Variants in DIP2B observed in about 807,000 individuals in gnomAD.
The protein encoded by DIP2B is DIP2 acetate--CoA ligase B (putative).
Under a neutral mutation model 198.0 loss-of-function variants are expected in DIP2B, and 76 were observed. The observed-to-expected ratio is 0.38, with a 90% CI of 0.32 to 0.46. The LOEUF (loss-of-function observed/expected upper bound fraction) is 0.46. Ranked by LOEUF, DIP2B falls within the 20% of genes least tolerant of loss-of-function variation. The pLI is 0.99. For synonymous variants in DIP2B, 701 were observed against 739.1 expected (o/e 0.95, Z 0.84); for missense variants, 1,559 against 1,978.4 (o/e 0.79, Z 4.02).
At chr12:50,632,784 C>G (rs1201679257) in intron 2 of DIP2B, among the ~76,000 whole-genome samples, 1 of 151,956 alleles carries the variant, frequency 6.6e-6, no homozygotes, top group Non-Finnish European at 1.5e-5. Flanking sequence ...TAATCCGCCT[C>G]CCTTCTCCTC....
chr12:50,657,223 C>CAAAAAAAAAAAA (rs57903571), intron 3 of DIP2B: 1 of 107,054 alleles, frequency 9.3e-6, no homozygotes, highest in Non-Finnish European at 1.9e-5. Context: ...TCTCTATTTA[C>CAAAAAAAAAAAA]AAAAAAAAAA....
At chr12:50,694,504 A>C (rs536380742) in intron 14 of DIP2B, among the ~76,000 whole-genome samples, 27 of 143,738 alleles carry the variant, frequency 1.9e-4, no homozygotes, top group East Asian at 9.4e-4. Flanking sequence ...CAGATAAATA[A>C]ATACATACAT....
intron 7 of DIP2B, among the ~76,000 whole-genome samples, chr12:50,677,219 T>G (rs988918765): frequency 6.6e-6 from 1 of 152,188 alleles, no homozygotes; most frequent in Non-Finnish European, 1.5e-5. Flanking sequence ...TCTCACGCAC[T>G]GCTCATGTTG....
chr12:50,525,482 A>G (rs1156670979), intron 1 of DIP2B, among the ~76,000 whole-genome samples: 2 of 150,796 alleles, frequency 1.3e-5, no homozygotes, highest in Non-Finnish European at 2.9e-5. Flanking sequence ...CTTGAACTCA[A>G]CCGTGATGCA....
intron 1 of DIP2B, among the ~76,000 whole-genome samples, chr12:50,576,176 T>G (rs1958658887): frequency 6.6e-6 from 1 of 151,556 alleles, no homozygotes; most frequent in Non-Finnish European, 1.5e-5. Flanking sequence ...TTCAAGTGAT[T>G]TACCTGCCTC....
intron 15 of DIP2B, among the ~76,000 whole-genome samples, chr12:50,695,630 A>G (rs995334941): frequency 4.6e-5 from 7 of 152,176 alleles, no homozygotes; most frequent in African/African-American, 1.4e-4. Context: ...TGACCTGCCT[A>G]GAGGGTCTCA....
chr12:50,687,813 T>C (rs1409537142), intron 12 of DIP2B, among the ~76,000 whole-genome samples: 1 of 150,588 alleles, frequency 6.6e-6, no homozygotes, highest in African/African-American at 2.4e-5. Context: ...GACGAGTTGA[T>C]AGGTACAGCA....
intron 32 of DIP2B, 26 bp from the exon 33 acceptor site, chr12:50,734,109 C>A: frequency 2.5e-6 from 4 of 1,612,404 alleles, no homozygotes; most frequent in Non-Finnish European, 3.4e-6. Flanking sequence ...AAATTCTAAA[C>A]AACGCATTGA....
At chr12:50,628,160 C>T (rs1937973118) in intron 2 of DIP2B, among the ~76,000 whole-genome samples, 1 of 152,062 alleles carries the variant, frequency 6.6e-6, no homozygotes, top group African/African-American at 2.4e-5. Context: ...CACATGAAGT[C>T]AGGAGTTCAA....
intron 23 of DIP2B, among the ~76,000 whole-genome samples, chr12:50,716,529 AAAAAC>A (rs367684144): frequency 6.8e-4 from 104 of 152,148 alleles, no homozygotes; most frequent in African/African-American, 2.1e-3. Context: ...CTCTGTCTCA[AAAAAC>A]AAAACAAAAC....
chr12:50,664,066 T>G (rs899654100), intron 4 of DIP2B, among the ~76,000 whole-genome samples: 1 of 152,100 alleles, frequency 6.6e-6, no homozygotes, highest in Non-Finnish European at 1.5e-5. Flanking sequence ...TGTATGCACC[T>G]GGTTTCTGGG....
chr12:50,603,652 G>A (rs116962014), intron 1 of DIP2B, among the ~76,000 whole-genome samples: 1,891 of 152,028 alleles, frequency 0.012, 17 homozygotes, highest in Non-Finnish European at 0.019. Context: ...AGCCCAGGAG[G>A]TCGAGGTTGC....
chr12:50,592,401 C>T (rs1420576745), intron 1 of DIP2B, among the ~76,000 whole-genome samples: 1 of 151,926 alleles, frequency 6.6e-6, no homozygotes, highest in Non-Finnish European at 1.5e-5. Context: ...AAGCAGTCCT[C>T]CTGCTTTGGC....
chr12:50,735,356 A>G (rs923792286), intron 34 of DIP2B, among the ~76,000 whole-genome samples: 4 of 152,108 alleles, frequency 2.6e-5, no homozygotes, highest in Non-Finnish European at 5.9e-5. Flanking sequence ...AATCCAACTG[A>G]CATGTTATTC....
intron 1 of DIP2B, among the ~76,000 whole-genome samples, chr12:50,562,736 GAAA>G (rs766675501): frequency 4.7e-5 from 6 of 127,572 alleles, no homozygotes; most frequent in Non-Finnish European, 1.0e-4. Flanking sequence ...CCCTGACTCA[GAAA>G]AAAAAAAAAA....
intron 1 of DIP2B, among the ~76,000 whole-genome samples, chr12:50,618,286 C>T (rs1937739896): frequency 1.3e-5 from 2 of 152,192 alleles, no homozygotes; most frequent in Non-Finnish European, 2.9e-5. Context: ...CAACCCTCAA[C>T]GTCAAGTGTC....
intron 4 of DIP2B, among the ~76,000 whole-genome samples, chr12:50,666,873 T>C (rs1187675658): frequency 6.6e-6 from 1 of 151,708 alleles, no homozygotes; most frequent in Admixed American, 6.6e-5. Context: ...ATACAAAAAA[T>C]TAGCCGGGCA....
intron 1 of DIP2B, among the ~76,000 whole-genome samples, chr12:50,586,931 A>C (rs76954468): frequency 6.6e-6 from 1 of 152,176 alleles, no homozygotes; most frequent in African/African-American, 2.4e-5. Context: ...TGCCCATATG[A>C]AAACATGTTT....
chr12:50,732,939 T>C (rs753176864), intron 32 of DIP2B, among the ~76,000 whole-genome samples: 167 of 152,072 alleles, frequency 1.1e-3, no homozygotes, highest in Non-Finnish European at 1.8e-3. Context: ...GGAGCCTTGC[T>C]CTGTCACCCC....
Sources: allele counts gnomAD v4.1 joint callset (sites outside exome capture counted in the v4.1 genomes callset), GRCh38; gene constraint gnomAD v4.1.1; transcripts MANE v1.5; gene names NCBI Gene and HGNC (gene_info 2026-07-23, HGNC 2026-07-21).